HMCN1: variants seen among roughly 807,000 people sequenced by gnomAD.
HMCN1 encodes hemicentin 1.
HMCN1 carries 321 observed loss-of-function variants against 625.9 expected under a neutral mutation model. That is an observed-to-expected ratio of 0.51 (90% CI 0.47 to 0.56). HMCN1 has a LOEUF of 0.56. HMCN1 is among the 20% of genes least tolerant of loss of function. The probability of loss-of-function intolerance (pLI) is 0.00; values close to 1 mark genes in which losing one functional copy is unlikely to be tolerated. For synonymous variants in HMCN1, 2,425 were observed against 2,417.6 expected, an observed-to-expected ratio of 1.00 and a Z score of -0.09; for missense variants, 6,588 against 6,887.3, an observed-to-expected ratio of 0.96 and a Z score of 1.54.
At chr1:186,034,512 T>C (rs2102211474) in intron 36 of HMCN1, among the ~76,000 whole-genome samples, 1 of 152,292 alleles carries the variant, frequency 6.6e-6, no homozygotes, top group African/African-American at 2.4e-5. Context: ...AGTCAAATCT[T>C]GCAAACAGGG....
chr1:186,021,252 C>G (rs1654701637), intron 35 of HMCN1, among the ~76,000 whole-genome samples: 1 of 152,028 alleles, frequency 6.6e-6, no homozygotes, highest in Non-Finnish European at 1.5e-5. Context: ...TTCCAACGTA[C>G]ACAACTGCAT....
At chr1:185,857,237 CTA>C (rs1439098636) in intron 2 of HMCN1, among the ~76,000 whole-genome samples, 1 of 152,068 alleles carries the variant, frequency 6.6e-6, no homozygotes, top group Admixed American at 6.5e-5. Flanking sequence ...ACACGTTTTT[CTA>C]TCTGAAAGGT....
chr1:186,129,992 A>C lies in HMCN1; in HGVS notation c.12931A>C (p.Ser4311Arg). 3 of 1,613,158 alleles carry C rather than the reference A, an allele frequency of 1.9e-6. No homozygotes were observed. The highest frequency in any genetic ancestry group is 2.5e-6 in the Non-Finnish European group (3 of 1,179,312). Residue 4311 changes from serine to arginine, a missense_variant, in exon 84 of 107, where the codon AGT becomes CGT. This residue lies in a region of HMCN1 where 1,954 missense variants were observed against 2,013.1 expected (regional missense o/e 0.97). Coordinates refer to ENST00000271588, the MANE Select transcript of HMCN1 (RefSeq NM_031935.3). ...CCACTTTGACAGTGTGAATGGACAC[A>C]GTGAACTTGTTATTGAAAGAGTGTC... ...PAHFDSVNGH[S>R]ELVIERVSKE...
chr1:186,178,750 C>G lies in HMCN1; in HGVS notation c.16278C>G (p.Ser5426Arg), dbSNP rs762854387. 3.1e-6 allele frequency: 5 copies of G among 1,607,682 alleles called. No individual in the cohort carries two copies. The African/African-American group carries it at 6.7e-5, about 22-fold the overall frequency. ...RKTCPEGSEASHDTCVDIDEC... is the reference protein window; with the variant it reads ...RKTCPEGSEARHDTCVDIDEC... Reference sequence around the variant, plus strand: ...CTTGCCCTGAAGGCTCTGAGGCAAGCCATGACACATGTGTAGGTAAATGTC... The same window carrying G: ...CTTGCCCTGAAGGCTCTGAGGCAAGGCATGACACATGTGTAGGTAAATGTC... The change falls in exon 104 of 107, where the codon AGC becomes AGG. Residue 5426 changes from serine to arginine, a missense_variant. Physicochemically the swap from Ser to Arg is moderately radical, Grantham distance 110. Around this residue, in one of 3 missense-constraint regions of HMCN1, gnomAD observed 1,954 missense variants for 2,013.1 expected, o/e 0.97. Coordinates refer to ENST00000271588, the MANE Select transcript of HMCN1 (RefSeq NM_031935.3).
intron 12 of HMCN1, 93 bp from the exon 13 acceptor site, chr1:185,963,675 G>A (rs1407442837): frequency 1.2e-5 from 12 of 979,564 alleles, no homozygotes; most frequent in South Asian, 8.1e-5. Flanking sequence ...ACTCTACAAC[G>A]TTTGAAAATA....
At position 186,093,661 on chromosome 1, in the gene HMCN1, A is replaced by G. The variant is rs1416904517; in HGVS notation, c.10188A>G (p.Gln3396=). The G allele has an allele frequency of 1.2e-6, 2 of 1,613,246 alleles. No homozygotes were observed. The highest frequency in any genetic ancestry group is 2.2e-5 in the South Asian group (2 of 91,080). ...ATATCCGGTTACTGGCAGCAGGACA[A>G]GTTATCAGGTCAGCTTTTATTGTGT... The part of the protein sequence containing the change: ...SSHIRLLAAG[Q]VIRIVRAQVS... The change falls in exon 66 of 107, where the codon CAA becomes CAG. Residue 3396 remains glutamine (Q), a synonymous_variant. Coordinates refer to ENST00000271588, the MANE Select transcript of HMCN1 (RefSeq NM_031935.3).
chr1:185,782,715 G>A (rs1008371151), intron 1 of HMCN1, among the ~76,000 whole-genome samples: 16 of 152,182 alleles, frequency 1.1e-4, no homozygotes, highest in African/African-American at 2.9e-4. Context: ...TGAGAGATCC[G>A]CTGTTAGTCT....
At chr1:185,846,869 A>G (rs533230001) in intron 2 of HMCN1, among the ~76,000 whole-genome samples, 34 of 152,144 alleles carry the variant, frequency 2.2e-4, no homozygotes, top group Non-Finnish European at 4.1e-4. Context: ...TTGACCTACA[A>G]GTTATCTTCA....
chr1:186,137,413 G>A (rs1649672060), intron 87 of HMCN1, 85 bp from the exon 88 acceptor site: 1 of 1,425,758 alleles, frequency 7.0e-7, no homozygotes. Flanking sequence ...ATTTAGCTCT[G>A]TAACCCGTGC....
chr1:185,865,677 AT>A, intron 3 of HMCN1, 63 bp from the exon 4 acceptor site: 1 of 1,413,718 alleles, frequency 7.1e-7, no homozygotes. Flanking sequence ...TAGGTAGTCA[AT>A]ACACATATTT....
Position 186,064,771 on chromosome 1 carries a change from C to T in HMCN1, c.7514-467C>T, listed in dbSNP as rs528469692. 3.5e-5 allele frequency among the ~76,000 whole-genome samples: 5 copies of T among 141,050 alleles called. No individual in the cohort carries two copies. In the South Asian group the frequency reaches 1.1e-3, roughly 31 times the overall value. The allele number at this position is 141,050 out of a possible 152,430, so 92.5% of individuals were successfully genotyped here. A position where few individuals can be genotyped will look rare whatever the true frequency, so the allele number is the denominator to read the frequency against. Reference sequence around the variant, plus strand: ...CTTGCAGTGAGCCGAGATCACACCACTGCACTCCAGCCTGGGTCACAGAGT... The same window carrying T: ...CTTGCAGTGAGCCGAGATCACACCATTGCACTCCAGCCTGGGTCACAGAGT... On this transcript the variant is annotated intron_variant, in intron 48 of 106. Coordinates refer to ENST00000271588, the MANE Select transcript of HMCN1 (RefSeq NM_031935.3).
intron 1 of HMCN1, among the ~76,000 whole-genome samples, chr1:185,739,291 C>T (rs1653812115): frequency 6.6e-6 from 1 of 152,094 alleles, no homozygotes; most frequent in Admixed American, 6.6e-5. Flanking sequence ...AGGTTGATTC[C>T]ATGTCTTTGC....
intron 93 of HMCN1, among the ~76,000 whole-genome samples, chr1:186,146,378 T>C (rs887683700): frequency 2.6e-5 from 4 of 152,196 alleles, no homozygotes; most frequent in South Asian, 2.1e-4. Flanking sequence ...GAGTCATGCA[T>C]TGCATCTAGC....
intron 77 of HMCN1, among the ~76,000 whole-genome samples, chr1:186,118,043 C>T (rs1213250978): frequency 3.9e-5 from 6 of 152,014 alleles, no homozygotes; most frequent in African/African-American, 1.4e-4. Flanking sequence ...GACTGTATAA[C>T]TAAAACAGGG....
chr1:186,123,692 C>A (rs1341307498), intron 81 of HMCN1, among the ~76,000 whole-genome samples: 1 of 151,940 alleles, frequency 6.6e-6, no homozygotes, highest in Non-Finnish European at 1.5e-5. Context: ...AGAAAAATAT[C>A]TTTGTATTAA....
At position 185,984,187 on chromosome 1, in the gene HMCN1, A is replaced by C. The variant is rs780360219; in HGVS notation, c.2809A>C (p.Ile937Leu). ...NSAMLLQNPY[I>L]TVRSDGSLHI... is the part of the protein sequence containing the mutation. ...CTTTAAGTTGCTCCAAAATCCTTAC[A>C]TCACTGTGCGCAGTGATGGGAGCCT... Residue 937 changes from isoleucine to leucine, a missense_variant, in exon 19 of 107, where the codon ATC becomes CTC. Transcript: ENST00000271588. 5.0e-6 allele frequency: 8 copies of C among 1,613,412 alleles called. No individual in the cohort carries two copies. In the South Asian group the frequency reaches 6.6e-5, roughly 13 times the overall value.
At chr1:185,940,806 C>T (rs1179596565) in intron 11 of HMCN1, among the ~76,000 whole-genome samples, 1 of 152,094 alleles carries the variant, frequency 6.6e-6, no homozygotes, top group Non-Finnish European at 1.5e-5. Context: ...TCTTGTTGCC[C>T]AGGCTGGAGT....
In HMCN1 at chr1:185,853,267, A is replaced by C. The variant is rs956072798; in HGVS notation, c.339+7171A>C. 1.3e-5 allele frequency among the ~76,000 whole-genome samples: 2 copies of C among 152,164 alleles called. 1 individual carries two copies. The highest frequency in any genetic ancestry group is 4.1e-4 in the South Asian group (2 of 4,828). On this transcript the variant is annotated intron_variant, in intron 2 of 106. Transcript: ENST00000271588. ...TCACTTTGAGTAACTGGCCCACCAA[A>C]AATTACCAAGTAGCAAATGACAAAG... is the stretch of plus-strand genomic sequence containing the variant.
At chr1:185,772,867 C>T (rs1656340607) in intron 1 of HMCN1, among the ~76,000 whole-genome samples, 1 of 152,050 alleles carries the variant, frequency 6.6e-6, no homozygotes, top group African/African-American at 2.4e-5. Context: ...GGTGGAAGTG[C>T]CCACAGAGAT....
Sources: gnomAD v4.1 joint callset for allele counts (sites outside exome capture counted in the v4.1 genomes callset) on GRCh38, gnomAD v4.1.1 for gene constraint, gnomAD v4.1.1 regional missense constraint, MANE v1.5 for transcripts, NCBI Gene and HGNC (gene_info 2026-07-23, HGNC 2026-07-21) for gene names.